TLL2: variants seen among roughly 807,000 people sequenced by gnomAD.
The protein encoded by TLL2 is tolloid like 2.
In TLL2, 106 loss-of-function variants were observed where a neutral mutation model predicts 123.0. The observed-to-expected ratio is 0.86, with a 90% confidence interval of 0.74 to 1.01. The LOEUF is 1.01. Ranked by LOEUF, TLL2 falls within the 50% of genes least tolerant of loss-of-function variation. TLL2 has a pLI of 0.00. For synonymous variants in TLL2, 494 were observed against 516.8 expected (o/e 0.96, Z 0.60); for missense variants, 1,332 against 1,336.7 (o/e 1.00, Z 0.06).
chr10:96,382,939 G>A (rs757421362), intron 16 of TLL2, among the ~76,000 whole-genome samples: 2 of 152,150 alleles, frequency 1.3e-5, no homozygotes, highest in African/African-American at 2.4e-5. Flanking sequence ...TGGCATTGTG[G>A]GTCTTCAGGT....
At chr10:96,458,700 G>A (rs1847043199) in intron 2 of TLL2, among the ~76,000 whole-genome samples, 1 of 151,722 alleles carries the variant, frequency 6.6e-6, no homozygotes, top group Non-Finnish European at 1.5e-5. Flanking sequence ...GAACCCAGGA[G>A]GCAGAGGTTG....
intron 2 of TLL2, among the ~76,000 whole-genome samples, chr10:96,455,002 C>A (rs7087433): frequency 0.034 from 5,246 of 152,222 alleles, 292 homozygotes; most frequent in African/African-American, 0.12. Context: ...GTTCCCCAGG[C>A]ATGGTATTTC....
intron 7 of TLL2, among the ~76,000 whole-genome samples, chr10:96,414,625 C>T (rs1434210569): frequency 2.6e-5 from 4 of 152,190 alleles, no homozygotes; most frequent in African/African-American, 9.7e-5. Flanking sequence ...TGCAGCCTCA[C>T]AGCTAATCCT....
At chr10:96,368,254 C>G (rs781075145) in intron 20 of TLL2, 32 bp from the exon 21 acceptor site, 11 of 1,608,382 alleles carry the variant, frequency 6.8e-6, no homozygotes, top group Non-Finnish European at 9.3e-6. Context: ...ACGAGAAGGA[C>G]TTTAGCTGTG....
At chr10:96,399,095 T>A (rs2134064520) in intron 10 of TLL2, among the ~76,000 whole-genome samples, 1 of 152,042 alleles carries the variant, frequency 6.6e-6, no homozygotes, top group South Asian at 2.1e-4. Context: ...ATGGTCTCAA[T>A]CTCCTGACCT....
Position 96,386,219 on chromosome 10 carries a change from C to T in TLL2, c.1853-4G>A, listed in dbSNP as rs1846234070. 3 of 1,568,364 alleles carry T rather than the reference C, an allele frequency of 1.9e-6. No individual in the cohort carries two copies. The highest frequency in any genetic ancestry group is 1.9e-5 in the Admixed American group (1 of 53,762). On this transcript the variant is annotated splice_polypyrimidine_tract_variant and splice_region_variant and intron_variant, in intron 14 of 20. Transcript: ENST00000357947. Reference sequence around the variant, plus strand: ...GTAATGAAACCGCCACAGGCCACTGCACGGGGGAAACAGAAACAGGATTCA... The same window carrying T: ...GTAATGAAACCGCCACAGGCCACTGTACGGGGGAAACAGAAACAGGATTCA...
chr10:96,443,203 T>A (rs1846865983), intron 3 of TLL2, among the ~76,000 whole-genome samples: 1 of 152,216 alleles, frequency 6.6e-6, no homozygotes, highest in Non-Finnish European at 1.5e-5. Flanking sequence ...GTCATGCCAC[T>A]TCTCTCGTGA....
chr10:96,508,627 T>C (rs1247654844), intron 1 of TLL2, among the ~76,000 whole-genome samples: 2 of 152,074 alleles, frequency 1.3e-5, no homozygotes, highest in Non-Finnish European at 1.5e-5. Context: ...ATACAGCATT[T>C]TCATATCATT....
chr10:96,383,388 C>T (rs1405310867), intron 16 of TLL2, among the ~76,000 whole-genome samples: 25 of 152,118 alleles, frequency 1.6e-4, no homozygotes, highest in Admixed American at 1.6e-3. Flanking sequence ...GTGGGAGGAA[C>T]CCGGTGGGAG....
At chr10:96,439,555 C>T (rs545520075) in intron 3 of TLL2, among the ~76,000 whole-genome samples, 7 of 152,306 alleles carry the variant, frequency 4.6e-5, no homozygotes, top group Non-Finnish European at 7.3e-5. Flanking sequence ...AGGCTTCCTT[C>T]TGTGAGTTAT....
intron 1 of TLL2, among the ~76,000 whole-genome samples, chr10:96,510,527 G>A (rs1847618847): frequency 6.6e-6 from 1 of 152,156 alleles, no homozygotes; most frequent in African/African-American, 2.4e-5. Flanking sequence ...TCAGTTTCTA[G>A]AAAATCCATT....
At chr10:96,370,393 C>T in intron 19 of TLL2, 78 bp from the exon 20 acceptor site, 1 of 1,479,352 alleles carries the variant, frequency 6.8e-7, no homozygotes, top group Non-Finnish European at 9.0e-7. Flanking sequence ...TCGGCTTTCT[C>T]TACAGAGCCT....
intron 5 of TLL2, among the ~76,000 whole-genome samples, chr10:96,424,190 G>A (rs1846654775): frequency 6.6e-6 from 1 of 152,040 alleles, no homozygotes; most frequent in Admixed American, 6.5e-5. Flanking sequence ...GGAAGGTGGA[G>A]ATGGTTAATG....
intron 2 of TLL2, among the ~76,000 whole-genome samples, chr10:96,447,904 G>T (rs1210259364): frequency 6.6e-6 from 1 of 152,036 alleles, no homozygotes; most frequent in African/African-American, 2.4e-5. Context: ...ACAGTCTCCT[G>T]GTCAGACACC....
rs373698844 is a variant in TLL2 at position 96,473,049 on chromosome 10, C to CA, written c.286+7299_286+7300insT. ...GGAAGTTAGAATGTGGTTCCATCAGCCCCCCCCAATCAGATGGGAACACTG... is the reference window on the plus strand; with the variant it reads ...GGAAGTTAGAATGTGGTTCCATCAGCACCCCCCCAATCAGATGGGAACACTG... On this transcript the variant is annotated intron_variant, in intron 2 of 20. Coordinates refer to ENST00000357947, the MANE Select transcript of TLL2 (RefSeq NM_012465.4). 1.6e-3 allele frequency among the ~76,000 whole-genome samples: 147 copies of CA among 93,968 alleles called. 1 individual carries two copies. The highest frequency in any genetic ancestry group is 6.7e-3 in the African/African-American group (140 of 20,842). 61.6% of individuals were successfully genotyped at this position (93,968 alleles called of 152,430 possible).
At chr10:96,394,332 G>T (rs987368886) in intron 13 of TLL2, among the ~76,000 whole-genome samples, 1 of 152,170 alleles carries the variant, frequency 6.6e-6, no homozygotes, top group Admixed American at 6.5e-5. Context: ...CCAATGCAGT[G>T]GGGAGCAGCC....
At chr10:96,463,051 T>C (rs1002929595) in intron 2 of TLL2, among the ~76,000 whole-genome samples, 1 of 152,248 alleles carries the variant, frequency 6.6e-6, no homozygotes, top group Non-Finnish European at 1.5e-5. Flanking sequence ...AAAAGTGCCA[T>C]GAATATTGAT....
intron 1 of TLL2, among the ~76,000 whole-genome samples, chr10:96,497,414 C>T (rs1294615809): frequency 1.3e-5 from 2 of 152,168 alleles, no homozygotes; most frequent in East Asian, 3.8e-4. Flanking sequence ...TATTCTTCAC[C>T]CTCTCCACTC....
chr10:96,382,642 T>C (rs1846196210), intron 16 of TLL2, among the ~76,000 whole-genome samples: 1 of 152,266 alleles, frequency 6.6e-6, no homozygotes, highest in Non-Finnish European at 1.5e-5. Flanking sequence ...AGTGGCGTCC[T>C]GACAAAGGAT....
Sources: gnomAD v4.1 joint callset for allele counts (sites outside exome capture counted in the v4.1 genomes callset) on GRCh38, gnomAD v4.1.1 for gene constraint, MANE v1.5 for transcripts, NCBI Gene and HGNC (gene_info 2026-07-23, HGNC 2026-07-21) for gene names.